Variants in VPS13B observed in about 807,000 individuals in gnomAD.
VPS13B encodes intermembrane lipid transfer protein VPS13B.
In VPS13B, 285 loss-of-function variants were observed where a neutral mutation model predicts 426.4. The ratio of observed to expected loss-of-function variants is 0.67; its 90% CI spans 0.61 to 0.74. The LOEUF (loss-of-function observed/expected upper bound fraction) is 0.74. Ranked by LOEUF, VPS13B falls within the 30% of genes least tolerant of loss-of-function variation. VPS13B has a pLI of 0.00. For missense variants in VPS13B, 4,537 were observed against 4,782.6 expected (o/e 0.95, Z 1.51); for synonymous variants, 1,676 against 1,676.4 (o/e 1.00, Z 0.01).
At chr8:99,101,087 A>T (rs768571573) in intron 4 of VPS13B, among the ~76,000 whole-genome samples, 1 of 151,954 alleles carries the variant, frequency 6.6e-6, no homozygotes, top group Non-Finnish European at 1.5e-5. Flanking sequence ...TTTGAGAAAT[A>T]GGGAAACCAA....
chr8:99,475,883 A>G (rs1251804885), intron 24 of VPS13B, among the ~76,000 whole-genome samples: 4 of 152,170 alleles, frequency 2.6e-5, no homozygotes, highest in African/African-American at 4.8e-5. Context: ...CTGAGAGTTC[A>G]TTTTTACTCG....
chr8:99,115,422 C>G (rs1173241015), intron 6 of VPS13B, among the ~76,000 whole-genome samples: 1 of 151,948 alleles, frequency 6.6e-6, no homozygotes, highest in Non-Finnish European at 1.5e-5. Context: ...GAATAGTAAT[C>G]TGGAAATCTA....
At chr8:99,376,175 T>C (rs553421424) in intron 19 of VPS13B, among the ~76,000 whole-genome samples, 1 of 152,300 alleles carries the variant, frequency 6.6e-6, no homozygotes, top group African/African-American at 2.4e-5. Context: ...CAGGCTAAAA[T>C]TAAACAGAAT....
intron 43 of VPS13B, among the ~76,000 whole-genome samples, chr8:99,804,727 C>T (rs1813300607): frequency 1.3e-5 from 2 of 152,128 alleles, no homozygotes; most frequent in South Asian, 4.1e-4. Context: ...TTCAATAGCT[C>T]ATACCTGTAA....
At chr8:99,420,172 T>C (rs1387573992) in intron 21 of VPS13B, among the ~76,000 whole-genome samples, 3 of 152,160 alleles carry the variant, frequency 2.0e-5, no homozygotes, top group Non-Finnish European at 2.9e-5. Context: ...CTATGAAAAC[T>C]GAATTATTAC....
At chr8:99,869,687 A>G (rs1817291823) in intron 59 of VPS13B, among the ~76,000 whole-genome samples, 1 of 152,196 alleles carries the variant, frequency 6.6e-6, no homozygotes, top group African/African-American at 2.4e-5. Flanking sequence ...TGAAAATGCC[A>G]TTGTCCCTCA....
chr8:99,062,561 C>G (rs1230780111), intron 3 of VPS13B, among the ~76,000 whole-genome samples: 1 of 152,156 alleles, frequency 6.6e-6, no homozygotes, highest in Non-Finnish European at 1.5e-5. Context: ...CTCCGCCTCC[C>G]AGGTTCAAGC....
intron 21 of VPS13B, among the ~76,000 whole-genome samples, chr8:99,394,732 A>G (rs1262790666): frequency 6.6e-6 from 1 of 152,204 alleles, no homozygotes; most frequent in Non-Finnish European, 1.5e-5. Context: ...CATAAATGAT[A>G]CTTAAGAGAT....
At position 99,444,114 on chromosome 8, in the gene VPS13B, T is replaced by G. The variant is rs113453586; in HGVS notation, c.3445+1479T>G. Among the ~76,000 whole-genome samples the G allele has an allele frequency of 2.3e-3, 355 of 152,210 alleles. No individual in the cohort carries two copies. The Middle Eastern group carries it at 0.027, about 12-fold the overall frequency. On this transcript the variant is annotated intron_variant, in intron 23 of 61. Transcript: ENST00000357162. ...TCTTTTTTTTCTTTTTTTTCTTTTT[T>G]TTGAGATGGAGTCTTGCTCTGTCGC...
intron 54 of VPS13B, among the ~76,000 whole-genome samples, 185 bp from the exon 55 acceptor site, chr8:99,848,591 G>A (rs1293370303): frequency 1.3e-5 from 2 of 152,018 alleles, no homozygotes; most frequent in African/African-American, 2.4e-5. Context: ...GAAAAATCTG[G>A]TTTTGATCTT....
chr8:99,610,026 C>T (rs1375043085), intron 33 of VPS13B, among the ~76,000 whole-genome samples: 1 of 152,216 alleles, frequency 6.6e-6, no homozygotes, highest in East Asian at 1.9e-4. Flanking sequence ...ATGCTCCTCT[C>T]ACACACCCAA....
At chr8:99,102,388 A>G (rs557483348) in intron 4 of VPS13B, among the ~76,000 whole-genome samples, 38 of 151,922 alleles carry the variant, frequency 2.5e-4, no homozygotes, top group Non-Finnish European at 4.4e-4. Context: ...CCTCTACTCT[A>G]TTTTAACATT....
chr8:99,175,742 G>A (rs1332920123), intron 16 of VPS13B, among the ~76,000 whole-genome samples: 3 of 152,134 alleles, frequency 2.0e-5, no homozygotes, highest in South Asian at 2.1e-4. Context: ...GAGTGACAGC[G>A]AGACCCTGTC....
At chr8:99,357,980 G>C (rs755066290) in intron 19 of VPS13B, among the ~76,000 whole-genome samples, 1 of 148,084 alleles carries the variant, frequency 6.8e-6, no homozygotes, top group Non-Finnish European at 1.5e-5. Flanking sequence ...AAATGGGGAT[G>C]GTTTATTTTG....
rs1010003465 is a variant in VPS13B at position 99,751,924 on chromosome 8, A to G, written c.7051-14850A>G. On this transcript the variant is annotated intron_variant, in intron 39 of 61. Transcript: ENST00000357162. ...GATGTCTGCACACACAGGGAGTTGT[A>G]TTATAGTAGAGGACTCTGATTTGGA... 1.2e-4 allele frequency among the ~76,000 whole-genome samples: 19 copies of G among 152,228 alleles called. No individual in the cohort carries two copies. The East Asian group carries it at 3.5e-3, about 28-fold the overall frequency.
chr8:99,069,708 T>C (rs1844754803), intron 3 of VPS13B, among the ~76,000 whole-genome samples: 1 of 152,182 alleles, frequency 6.6e-6, no homozygotes, highest in Non-Finnish European at 1.5e-5. Flanking sequence ...GGAAATTATA[T>C]TCAGAATGGC....
chr8:99,476,993 C>T (rs1819728980), intron 24 of VPS13B, among the ~76,000 whole-genome samples: 1 of 152,172 alleles, frequency 6.6e-6, no homozygotes, highest in East Asian at 1.9e-4. Context: ...TGAATTTGCT[C>T]TTTTGTGATT....
chr8:99,600,691 T>G (rs1016891451), intron 33 of VPS13B, among the ~76,000 whole-genome samples: 1 of 152,166 alleles, frequency 6.6e-6, no homozygotes. Flanking sequence ...TAACTTTGCA[T>G]TTGCCTGAGA....
chr8:99,385,051 T>A (rs1814040969), intron 20 of VPS13B, among the ~76,000 whole-genome samples: 2 of 152,204 alleles, frequency 1.3e-5, no homozygotes, highest in African/African-American at 4.8e-5. Context: ...GAATACCTAA[T>A]CCTGGGATTG....
Sources: allele counts gnomAD v4.1 joint callset (sites outside exome capture counted in the v4.1 genomes callset), GRCh38; gene constraint gnomAD v4.1.1; transcripts MANE v1.5; gene names NCBI Gene and HGNC (gene_info 2026-07-23, HGNC 2026-07-21).